The following SMAD3 variants were observed in gnomAD, a reference collection of about 807,000 sequenced individuals.
The protein encoded by SMAD3 is MAD homolog 3.
In SMAD3, 12 loss-of-function variants were observed where a neutral mutation model predicts 51.8. That is an observed-to-expected ratio of 0.23 (90% CI 0.15 to 0.38). The LOEUF (loss-of-function observed/expected upper bound fraction) is 0.38. SMAD3 is among the 10% of genes least tolerant of loss of function. The pLI, the probability that SMAD3 is intolerant of heterozygous loss-of-function variation, is 1.00. For missense variants in SMAD3, 294 were observed against 565.6 expected, an observed-to-expected ratio of 0.52 and a Z score of 4.87; for synonymous variants, 238 against 227.7, an observed-to-expected ratio of 1.05 and a Z score of -0.41.
intron 1 of SMAD3, among the ~76,000 whole-genome samples, chr15:67,125,359 C>T (rs71398295): frequency 0.07 from 10,708 of 152,332 alleles, 386 homozygotes; most frequent in African/African-American, 0.092. Flanking sequence ...GCTAGATCCA[C>T]GATCTTCTCT....
At chr15:67,153,500 G>A (rs1327367551) in intron 1 of SMAD3, among the ~76,000 whole-genome samples, 1 of 141,350 alleles carries the variant, frequency 7.1e-6, no homozygotes, top group Non-Finnish European at 1.5e-5. Context: ...GCGGGCGGGG[G>A]GGATTCCTTC....
intron 5 of SMAD3, among the ~76,000 whole-genome samples, chr15:67,176,807 G>A (rs1255231962): frequency 1.3e-5 from 2 of 152,332 alleles, no homozygotes; most frequent in East Asian, 3.9e-4. Context: ...AAAGGCTGGA[G>A]CTGGAGGTTC....
intron 1 of SMAD3, among the ~76,000 whole-genome samples, chr15:67,083,361 A>G (rs1048083583): frequency 1.1e-4 from 16 of 152,238 alleles, no homozygotes; most frequent in African/African-American, 2.9e-4. Context: ...TCATATTTCT[A>G]TCTCTCTTGT....
Position 67,192,698 on chromosome 15 carries a change from C to T in SMAD3, c.*2162C>T. 1 of 233,198 alleles carries T rather than the reference C, an allele frequency of 4.3e-6. No homozygotes were observed. The allele number at this position is 233,198 out of a possible 1,614,324, so 14.4% of individuals were successfully genotyped here. ...CCTCTGGGTGCTTGGGAACTAGCTT[C>T]AGGCACAGCCTGATTCTGGTGATCC... On this transcript the variant is annotated 3_prime_UTR_variant, in exon 9 of 9. Transcript: ENST00000327367.
chr15:67,130,570 C>G (rs1041573697), intron 1 of SMAD3, among the ~76,000 whole-genome samples: 2 of 152,216 alleles, frequency 1.3e-5, no homozygotes, highest in African/African-American at 4.8e-5. Flanking sequence ...TGAGGTGGAA[C>G]AGTTTCGTCC....
chr15:67,152,031 A>G (rs1566986704), intron 1 of SMAD3, among the ~76,000 whole-genome samples: 1 of 152,142 alleles, frequency 6.6e-6, no homozygotes, highest in Non-Finnish European at 1.5e-5. Context: ...GCTATATAAT[A>G]TATTATTGTT....
At chr15:67,129,804 A>G (rs1249452169) in intron 1 of SMAD3, among the ~76,000 whole-genome samples, 3 of 152,216 alleles carry the variant, frequency 2.0e-5, no homozygotes, top group African/African-American at 7.2e-5. Flanking sequence ...GCTATATTAC[A>G]TTCTTCTTTA....
At position 67,176,152 on chromosome 15, in the gene SMAD3, C is replaced by T. The variant is rs531727897; in HGVS notation, c.659-5089C>T. Among the ~76,000 whole-genome samples, 24 of 152,296 alleles carry T rather than the reference C, an allele frequency of 1.6e-4. No individual in the cohort carries two copies. In the South Asian group the frequency reaches 2.7e-3, roughly 17 times the overall value. ...ACCCTGGGTGCTGGGACACAGCTGGCGTGGGCTCACAGAGACCTCATCCTC... is the reference window on the plus strand; with the variant it reads ...ACCCTGGGTGCTGGGACACAGCTGGTGTGGGCTCACAGAGACCTCATCCTC... On this transcript the variant is annotated intron_variant, in intron 5 of 8. Transcript: ENST00000327367.
chr15:67,189,545 G>A (rs889779318), intron 8 of SMAD3, among the ~76,000 whole-genome samples: 7 of 152,230 alleles, frequency 4.6e-5, no homozygotes, highest in Non-Finnish European at 7.3e-5. Context: ...GCAGCCTGAC[G>A]GGCGGGCGCG....
At chr15:67,137,731 T>A (rs1267997152) in intron 1 of SMAD3, among the ~76,000 whole-genome samples, 1 of 152,230 alleles carries the variant, frequency 6.6e-6, no homozygotes, top group East Asian at 1.9e-4. Context: ...GATCACCAGC[T>A]TTGTTTGGGG....
intron 1 of SMAD3, among the ~76,000 whole-genome samples, chr15:67,090,331 C>T (rs564807111): frequency 3.9e-5 from 6 of 152,140 alleles, no homozygotes; most frequent in Non-Finnish European, 7.4e-5. Flanking sequence ...GGCATTTCAC[C>T]TCTCTGAACT....
At chr15:67,183,011 ATATATATATATATATATATATTTTTT>A in intron 6 of SMAD3, among the ~76,000 whole-genome samples, 1 of 68,928 alleles carries the variant, frequency 1.5e-5, no homozygotes, top group Non-Finnish European at 2.6e-5. Flanking sequence ...ATATATATAT[ATATATATATATATATATATATTTTTT>A]TTTTTTTTTT....
chr15:67,099,756 G>A (rs1372373867), intron 1 of SMAD3, among the ~76,000 whole-genome samples: 11 of 152,264 alleles, frequency 7.2e-5, no homozygotes, highest in Admixed American at 6.5e-4. Context: ...TGCACACCAC[G>A]TGCCCCATAC....
chr15:67,084,348 TG>T (rs1202859443), intron 1 of SMAD3, among the ~76,000 whole-genome samples: 1 of 152,038 alleles, frequency 6.6e-6, no homozygotes, highest in Non-Finnish European at 1.5e-5. Context: ...CCCAAAGTGC[TG>T]GGATTACAGG....
At chr15:67,099,213 A>G (rs955436941) in intron 1 of SMAD3, among the ~76,000 whole-genome samples, 2 of 152,240 alleles carry the variant, frequency 1.3e-5, no homozygotes, top group African/African-American at 4.8e-5. Context: ...CTCTGGATTC[A>G]GCATGCTGAT....
intron 1 of SMAD3, among the ~76,000 whole-genome samples, chr15:67,122,062 G>A (rs1319061354): frequency 6.6e-6 from 1 of 152,202 alleles, no homozygotes; most frequent in African/African-American, 2.4e-5. Flanking sequence ...AGCTCATATA[G>A]AGCAGCACGT....
At chr15:67,186,136 C>T (rs1963217089) in intron 7 of SMAD3, among the ~76,000 whole-genome samples, 1 of 152,220 alleles carries the variant, frequency 6.6e-6, no homozygotes, top group African/African-American at 2.4e-5. Context: ...GAGTTTCAGC[C>T]ACCTGCCCAA....
At chr15:67,105,801 A>G (rs1041409814) in intron 1 of SMAD3, among the ~76,000 whole-genome samples, 2 of 152,122 alleles carry the variant, frequency 1.3e-5, no homozygotes, top group Non-Finnish European at 2.9e-5. Context: ...CTGTTGCCCT[A>G]GGTCAGGCCA....
chr15:67,076,606 G>A (rs1046901172), intron 1 of SMAD3, among the ~76,000 whole-genome samples: 4 of 152,192 alleles, frequency 2.6e-5, no homozygotes, highest in African/African-American at 7.2e-5. Flanking sequence ...CCTCAGATAC[G>A]TGCAAGAGGG....
Sources: gnomAD v4.1 joint callset for allele counts (sites outside exome capture counted in the v4.1 genomes callset) on GRCh38, gnomAD v4.1.1 for gene constraint, MANE v1.5 for transcripts, NCBI Gene and HGNC (gene_info 2026-07-23, HGNC 2026-07-21) for gene names.